Variants in RAD50 observed in about 807,000 individuals in gnomAD.
The protein encoded by RAD50 is DNA repair protein RAD50.
RAD50 carries 132 observed loss-of-function variants against 168.8 expected under a neutral mutation model. That is an observed-to-expected ratio of 0.78 (90% CI 0.68 to 0.90). The LOEUF (loss-of-function observed/expected upper bound fraction) is 0.90, where lower values mean the gene tolerates loss of function less well. RAD50 is among the 40% of genes least tolerant of loss of function. RAD50 has a pLI of 0.00. For missense variants in RAD50, 1,347 were observed against 1,534.4 expected, an observed-to-expected ratio of 0.88 and a Z score of 2.04; for synonymous variants, 525 against 497.4, an observed-to-expected ratio of 1.06 and a Z score of -0.74.
chr5:132,595,299 G>A (rs564407278), intron 12 of RAD50: 8 of 572,092 alleles, frequency 1.4e-5, no homozygotes, highest in Non-Finnish European at 9.2e-6. Flanking sequence ...TAATTATAAA[G>A]CCCTTAGAAC....
chr5:132,610,587 A>C (rs1751067099), intron 19 of RAD50, among the ~76,000 whole-genome samples: 1 of 152,166 alleles, frequency 6.6e-6, no homozygotes, highest in South Asian at 2.1e-4. Context: ...GTTGCTTAAA[A>C]TCATTTGGAA....
At chr5:132,570,336 T>C (rs1750280731) in intron 2 of RAD50, among the ~76,000 whole-genome samples, 1 of 152,190 alleles carries the variant, frequency 6.6e-6, no homozygotes, top group Non-Finnish European at 1.5e-5. Flanking sequence ...AAAGGAATAA[T>C]GGAACTAGAA....
chr5:132,570,960 G>A (rs116564408), intron 2 of RAD50, among the ~76,000 whole-genome samples: 3 of 152,066 alleles, frequency 2.0e-5, no homozygotes, highest in African/African-American at 7.2e-5. Flanking sequence ...GCTGTTGTAG[G>A]GTTACTAATT....
At chr5:132,609,544 G>C in intron 19 of RAD50, 148 bp downstream of exon 19, 1 of 1,307,264 alleles carries the variant, frequency 7.6e-7, no homozygotes, top group Non-Finnish European at 1.0e-6. Context: ...CACTTTGGAA[G>C]GCCGAGGCGG....
intron 2 of RAD50, 128 bp from the exon 3 acceptor site, chr5:132,575,649 T>C (rs1264815143): frequency 3.5e-6 from 3 of 846,546 alleles, no homozygotes; most frequent in Non-Finnish European, 5.8e-6. Flanking sequence ...CATGTAAAAA[T>C]ATCACTCATT....
intron 5 of RAD50, among the ~76,000 whole-genome samples, chr5:132,585,627 A>G (rs1750583809): frequency 1.5e-5 from 2 of 136,786 alleles, no homozygotes; most frequent in South Asian, 4.5e-4. Context: ...TTTTTGAGAC[A>G]GGGTCTCGCT....
intron 19 of RAD50, among the ~76,000 whole-genome samples, chr5:132,612,973 A>G (rs976715714): frequency 1.3e-5 from 2 of 152,106 alleles, no homozygotes; most frequent in Non-Finnish European, 2.9e-5. Context: ...CTGAGCCAGC[A>G]CTGGATGGAC....
Position 132,595,580 on chromosome 5 carries a change from G to C in RAD50, c.1977G>C (p.Leu659=). 1 of 1,607,814 alleles carries C rather than the reference G, an allele frequency of 6.2e-7. No homozygotes were observed. Among genetic ancestry groups the C allele is most frequent in the Non-Finnish European group, 8.5e-7 (1 of 1,174,400 alleles). Reference sequence around the variant, plus strand: ...TTTATTTTCTTAAAATAGCCATGCTGGCTGGAGCCACAGCAGTTTACTCCC... The same window carrying C: ...TTTATTTTCTTAAAATAGCCATGCTCGCTGGAGCCACAGCAGTTTACTCCC... ...IEKSSKQRAM[L]AGATAVYSQF... The change falls in exon 13 of 25, where the codon CTG becomes CTC. Residue 659 remains leucine (L), a synonymous_variant. Coordinates refer to ENST00000378823, the MANE Select transcript of RAD50 (RefSeq NM_005732.4).
intron 19 of RAD50, among the ~76,000 whole-genome samples, chr5:132,614,631 A>G (rs1027074843): frequency 6.6e-6 from 1 of 152,132 alleles, no homozygotes; most frequent in Non-Finnish European, 1.5e-5. Context: ...TGATATTAAT[A>G]TGTAAATGAT....
chr5:132,638,919 C>A (rs114121340), intron 23 of RAD50, among the ~76,000 whole-genome samples: 292 of 152,338 alleles, frequency 1.9e-3, no homozygotes, highest in African/African-American at 6.9e-3. Flanking sequence ...GATACTTGAG[C>A]TTTCTGCTTT....
chr5:132,581,764 TAGAC>T (rs1274953960), intron 5 of RAD50, among the ~76,000 whole-genome samples: 1 of 152,182 alleles, frequency 6.6e-6, no homozygotes, highest in Non-Finnish European at 1.5e-5. Context: ...CTTAGTTCAA[TAGAC>T]AGAAGAGTGG....
chr5:132,629,062 G>T (rs1417558379), intron 21 of RAD50, among the ~76,000 whole-genome samples: 1 of 152,048 alleles, frequency 6.6e-6, no homozygotes, highest in Admixed American at 6.6e-5. Flanking sequence ...CAGACCTGGG[G>T]TTTCATATGT....
intron 23 of RAD50, among the ~76,000 whole-genome samples, chr5:132,640,270 T>C (rs974224554): frequency 1.3e-5 from 2 of 152,232 alleles, no homozygotes; most frequent in Non-Finnish European, 2.9e-5. Flanking sequence ...GTCGAAGTTT[T>C]CTAACAGATC....
intron 2 of RAD50, among the ~76,000 whole-genome samples, chr5:132,572,397 C>A (rs1015283026): frequency 6.6e-6 from 1 of 151,830 alleles, no homozygotes; most frequent in Non-Finnish European, 1.5e-5. Context: ...AAAATAAAAA[C>A]ATGAGAAAAA....
chr5:132,584,864 A>G (rs970612053), intron 5 of RAD50, among the ~76,000 whole-genome samples: 1 of 147,636 alleles, frequency 6.8e-6, no homozygotes, highest in Non-Finnish European at 1.5e-5. Flanking sequence ...CAAACACCGC[A>G]TGTTCTCACT....
At chr5:132,627,203 A>G (rs1751386986) in intron 21 of RAD50, among the ~76,000 whole-genome samples, 1 of 152,158 alleles carries the variant, frequency 6.6e-6, no homozygotes, top group Non-Finnish European at 1.5e-5. Flanking sequence ...TATTTATATA[A>G]AAGCATTTTA....
chr5:132,611,494 A>C (rs1751085318), intron 19 of RAD50, among the ~76,000 whole-genome samples: 1 of 152,034 alleles, frequency 6.6e-6, no homozygotes, highest in African/African-American at 2.4e-5. Context: ...TCACGAGGTC[A>C]GGAGATCGAG....
At chr5:132,595,211 T>G (rs866474430) in intron 12 of RAD50, 167 bp downstream of exon 12, 1 of 716,152 alleles carries the variant, frequency 1.4e-6, no homozygotes. Context: ...GGCAAGTTAC[T>G]GAAACCTTCC....
rs1205589000 is a variant in RAD50 at position 132,644,471 on chromosome 5, T to C, written c.*2107T>C. On this transcript the variant is annotated 3_prime_UTR_variant, in exon 25 of 25. Transcript: ENST00000378823. ...CTTGAGCAAGTTATTTGTCCTGTTTTCTGTTTCCTTATATGTAAAAGTGGG... is the reference window on the plus strand; with the variant it reads ...CTTGAGCAAGTTATTTGTCCTGTTTCCTGTTTCCTTATATGTAAAAGTGGG... The C allele has an allele frequency of 1.1e-5, 2 of 176,908 alleles. No individual in the cohort carries two copies. Among genetic ancestry groups the C allele is most frequent in the Non-Finnish European group, 2.4e-5 (2 of 82,200 alleles). The allele number at this position is 176,908 out of a possible 1,614,324, so 11.0% of individuals were successfully genotyped here.
Sources: allele counts gnomAD v4.1 joint callset (sites outside exome capture counted in the v4.1 genomes callset), GRCh38; gene constraint gnomAD v4.1.1; transcripts MANE v1.5; gene names NCBI Gene and HGNC (gene_info 2026-07-23, HGNC 2026-07-21).